Variants in PTPRT observed in about 807,000 individuals in gnomAD.
PTPRT encodes receptor-type tyrosine-protein phosphatase T.
A neutral mutation model predicts 176.8 loss-of-function variants in PTPRT; 56 were observed. The ratio of observed to expected loss-of-function variants is 0.32; its 90% CI spans 0.26 to 0.40. The LOEUF (loss-of-function observed/expected upper bound fraction) is 0.40, where lower values mean the gene tolerates loss of function less well. Ranked by LOEUF, PTPRT falls within the 10% of genes least tolerant of loss-of-function variation. The pLI, the probability that PTPRT is intolerant of heterozygous loss-of-function variation, is 1.00. For synonymous variants in PTPRT, 783 were observed against 739.0 expected, an observed-to-expected ratio of 1.06 and a Z score of -0.96; for missense variants, 1,540 against 1,908.2, an observed-to-expected ratio of 0.81 and a Z score of 3.60.
intron 7 of PTPRT, among the ~76,000 whole-genome samples, chr20:42,617,199 T>C (rs1345927815): frequency 7.3e-6 from 1 of 136,564 alleles, no homozygotes; most frequent in Non-Finnish European, 1.5e-5. Context: ...GAGATAATCA[T>C]GTGGTTTTTG....
chr20:42,879,052 A>G lies in PTPRT; in HGVS notation c.214+6755T>C, dbSNP rs1437688709. On this transcript the variant is annotated intron_variant, in intron 2 of 30. Transcript: ENST00000373187. ...TCAAAAAAACAAAACAAAACAAAAA[A>G]ACAGAAGAAAGCAAAGCTTCCAATA... 2.6e-5 allele frequency among the ~76,000 whole-genome samples: 4 copies of G among 152,092 alleles called. No homozygotes were observed. In the East Asian group the frequency reaches 7.7e-4, roughly 29 times the overall value.
At chr20:42,807,023 A>G (rs1399196718) in intron 2 of PTPRT, among the ~76,000 whole-genome samples, 1 of 152,156 alleles carries the variant, frequency 6.6e-6, no homozygotes, top group Admixed American at 6.5e-5. Flanking sequence ...CGCTGCCACA[A>G]TGTCTCTGAT....
At chr20:42,128,392 T>C (rs934733179) in intron 19 of PTPRT, among the ~76,000 whole-genome samples, 3 of 152,144 alleles carry the variant, frequency 2.0e-5, no homozygotes, top group African/African-American at 4.8e-5. Context: ...ATTAGCATTA[T>C]GGTTCCCATA....
Position 42,448,312 on chromosome 20 carries a change from G to A in PTPRT, c.1468C>T (p.Leu490=). Residue 490 remains leucine, a synonymous_variant, in exon 9 of 31, where the codon CTA becomes TTA. Coordinates refer to ENST00000373187, the MANE Select transcript of PTPRT (RefSeq NM_007050.6). The stretch of plus-strand genomic sequence containing the variant: ...AAGGGCCCCCCTTGGATGGATTCTA[G>A]AGGAACAGCTCCTGGAACTACAGAA... ...TEEDVPGAVP[L]ESIQGGPFEE... is the part of the protein sequence containing the mutation. The A allele has an allele frequency of 6.2e-7, 1 of 1,612,586 alleles. No homozygotes were observed. The highest frequency in any genetic ancestry group is 8.5e-7 in the Non-Finnish European group (1 of 1,178,702).
At chr20:42,182,219 C>A (rs774446599) in intron 16 of PTPRT, among the ~76,000 whole-genome samples, 1 of 152,172 alleles carries the variant, frequency 6.6e-6, no homozygotes, top group Non-Finnish European at 1.5e-5. Flanking sequence ...TTTACTTCAT[C>A]TGGAGGGCAA....
intron 18 of PTPRT, among the ~76,000 whole-genome samples, chr20:42,133,413 T>C (rs1419893828): frequency 1.3e-5 from 2 of 152,214 alleles, no homozygotes; most frequent in African/African-American, 4.8e-5. Context: ...TAAATGCATA[T>C]TTCTAAGTGA....
At chr20:42,482,685 G>T (rs1021315432) in intron 7 of PTPRT, among the ~76,000 whole-genome samples, 1 of 152,140 alleles carries the variant, frequency 6.6e-6, no homozygotes, top group Non-Finnish European at 1.5e-5. Context: ...TGGAGGGTTG[G>T]GAAAGGCTTA....
At chr20:42,745,439 C>T (rs539104249) in intron 6 of PTPRT, among the ~76,000 whole-genome samples, 79 of 152,292 alleles carry the variant, frequency 5.2e-4, no homozygotes, top group Non-Finnish European at 8.1e-4. Context: ...GGGTGTTTAA[C>T]AGCATCTCTG....
At chr20:42,363,331 T>C (rs2058467196) in intron 9 of PTPRT, among the ~76,000 whole-genome samples, 1 of 104,600 alleles carries the variant, frequency 9.6e-6, no homozygotes, top group Admixed American at 1.2e-4. Context: ...TTTTTTGAGA[T>C]GGAGTTTTCG....
intron 1 of PTPRT, among the ~76,000 whole-genome samples, chr20:42,903,109 C>T (rs1405918130): frequency 4.6e-5 from 7 of 152,204 alleles, no homozygotes; most frequent in Non-Finnish European, 8.8e-5. Flanking sequence ...ATGCAATAAA[C>T]ATGTGCCTAA....
chr20:42,278,175 T>C (rs1373059759), intron 13 of PTPRT, among the ~76,000 whole-genome samples: 1 of 128,846 alleles, frequency 7.8e-6, no homozygotes, highest in Non-Finnish European at 1.6e-5. Context: ...AAGTACAGGG[T>C]TTAGTGAGAG....
chr20:42,315,184 C>CAAAAAAAAAAAAAAAAAAA (rs71193656), intron 12 of PTPRT, among the ~76,000 whole-genome samples: 1 of 63,404 alleles, frequency 1.6e-5, no homozygotes, highest in African/African-American at 7.1e-5. Flanking sequence ...GGCTCCGTCT[C>CAAAAAAAAAAAAAAAAAAA]AAAAAAAAAA....
At chr20:43,119,444 G>C (rs184594207) in intron 1 of PTPRT, among the ~76,000 whole-genome samples, 153 of 151,982 alleles carry the variant, frequency 1.0e-3, no homozygotes, top group African/African-American at 3.5e-3. Context: ...TAAGTAAGTT[G>C]TCCATAAGTG....
intron 2 of PTPRT, among the ~76,000 whole-genome samples, chr20:42,883,858 C>T (rs1401513785): frequency 1.4e-5 from 2 of 145,254 alleles, no homozygotes; most frequent in African/African-American, 5.1e-5. Context: ...ACACACACCC[C>T]CATAGACATG....
chr20:42,518,980 C>T (rs2072120368), intron 7 of PTPRT, among the ~76,000 whole-genome samples: 1 of 151,994 alleles, frequency 6.6e-6, no homozygotes. Context: ...CTCATGTACC[C>T]TTTATCCAGT....
intron 9 of PTPRT, among the ~76,000 whole-genome samples, chr20:42,379,497 T>C (rs961137466): frequency 6.6e-6 from 1 of 152,196 alleles, no homozygotes; most frequent in African/African-American, 2.4e-5. Context: ...AGGCATCCAG[T>C]GCATGCTTCC....
chr20:43,137,558 C>T (rs1270884052), intron 1 of PTPRT, among the ~76,000 whole-genome samples: 1 of 152,204 alleles, frequency 6.6e-6, no homozygotes, highest in Non-Finnish European at 1.5e-5. Context: ...GACACAAACA[C>T]CCCATGGAAA....
At chr20:42,331,687 G>A (rs2057966542) in intron 11 of PTPRT, among the ~76,000 whole-genome samples, 2 of 152,074 alleles carry the variant, frequency 1.3e-5, no homozygotes, top group South Asian at 4.1e-4. Flanking sequence ...GAGAATTGGA[G>A]GTTCTCATCC....
chr20:42,802,621 G>C (rs890385420), intron 2 of PTPRT, among the ~76,000 whole-genome samples: 2 of 152,138 alleles, frequency 1.3e-5, no homozygotes, highest in African/African-American at 4.8e-5. Context: ...TTTTTTTAAC[G>C]TAAAGGTATT....
Sources: allele counts gnomAD v4.1 joint callset (sites outside exome capture counted in the v4.1 genomes callset), GRCh38; gene constraint gnomAD v4.1.1; transcripts MANE v1.5; gene names NCBI Gene and HGNC (gene_info 2026-07-23, HGNC 2026-07-21).